Variants in SHC3 observed in about 807,000 individuals in gnomAD.
SHC3 encodes the protein SHC adaptor protein 3, also known as SHC-transforming protein 3.
In SHC3, 15 loss-of-function variants were observed where a neutral mutation model predicts 60.4. That is an observed-to-expected ratio of 0.25 (90% CI 0.17 to 0.38). The LOEUF is 0.38. SHC3 is among the 10% of genes least tolerant of loss of function. The pLI, the probability that SHC3 is intolerant of heterozygous loss-of-function variation, is 1.00. For synonymous variants in SHC3, 294 were observed against 325.9 expected, an observed-to-expected ratio of 0.90 and a Z score of 1.05; for missense variants, 677 against 786.1, an observed-to-expected ratio of 0.86 and a Z score of 1.66.
chr9:89,169,685 C>T (rs1564195607), intron 1 of SHC3, among the ~76,000 whole-genome samples: 1 of 151,796 alleles, frequency 6.6e-6, no homozygotes, highest in Non-Finnish European at 1.5e-5. Context: ...GAAACCACTC[C>T]TAAATAGTGC....
At chr9:89,027,923 CTG>C (rs1412551115) in intron 11 of SHC3, among the ~76,000 whole-genome samples, 3 of 152,234 alleles carry the variant, frequency 2.0e-5, no homozygotes, top group Non-Finnish European at 4.4e-5. Context: ...TCCTCAGTAA[CTG>C]AGCCTGCAGC....
At chr9:89,036,511 C>A (rs929300111) in intron 11 of SHC3, among the ~76,000 whole-genome samples, 2 of 152,120 alleles carry the variant, frequency 1.3e-5, no homozygotes, top group African/African-American at 4.8e-5. Context: ...ATACCGTCCC[C>A]GGGTACAGAG....
At chr9:89,157,265 G>C (rs13292645) in intron 1 of SHC3, among the ~76,000 whole-genome samples, 14,751 of 152,152 alleles carry the variant, frequency 0.097, 843 homozygotes, top group Admixed American at 0.15. Flanking sequence ...ATAACCACAG[G>C]GTCGTTATAA....
intron 1 of SHC3, among the ~76,000 whole-genome samples, chr9:89,167,977 C>T (rs183007311): frequency 7.0e-4 from 107 of 152,302 alleles, no homozygotes; most frequent in African/African-American, 2.1e-3. Context: ...CAGGGGCAGG[C>T]GGCCACCCGG....
intron 4 of SHC3, among the ~76,000 whole-genome samples, chr9:89,071,534 G>A (rs188045381): frequency 2.6e-4 from 40 of 152,296 alleles, no homozygotes; most frequent in Non-Finnish European, 4.6e-4. Context: ...CCAGAACCCA[G>A]AGGGGTCAAG....
chr9:89,148,765 T>C (rs1036722762), intron 1 of SHC3, among the ~76,000 whole-genome samples: 1 of 152,242 alleles, frequency 6.6e-6, no homozygotes, highest in African/African-American at 2.4e-5. Context: ...TGCCAAGCAC[T>C]CACATAGAAG....
At chr9:89,069,784 G>A (rs774894499) in intron 5 of SHC3, among the ~76,000 whole-genome samples, 141 of 152,252 alleles carry the variant, frequency 9.3e-4, no homozygotes, top group Non-Finnish European at 3.5e-4. Flanking sequence ...GCAGGGAGAA[G>A]TACCACTTCC....
At chr9:89,134,405 G>A (rs1018399189) in intron 1 of SHC3, among the ~76,000 whole-genome samples, 5 of 152,086 alleles carry the variant, frequency 3.3e-5, no homozygotes, top group African/African-American at 1.2e-4. Context: ...CTGAATAATA[G>A]TTGAACACTA....
chr9:89,089,936 G>A (rs976815195), intron 2 of SHC3, among the ~76,000 whole-genome samples: 4 of 152,200 alleles, frequency 2.6e-5, no homozygotes, highest in South Asian at 2.1e-4. Flanking sequence ...GGGCAGGGCC[G>A]CCAGCTCTAG....
At chr9:89,100,101 G>A (rs1464352497) in intron 2 of SHC3, among the ~76,000 whole-genome samples, 1 of 152,126 alleles carries the variant, frequency 6.6e-6, no homozygotes, top group African/African-American at 2.4e-5. Flanking sequence ...TGAGACATAA[G>A]GAAAAGCCAA....
At chr9:89,035,863 GTGTGTGTGT>G (rs1824570052) in intron 11 of SHC3, among the ~76,000 whole-genome samples, 2 of 116,728 alleles carry the variant, frequency 1.7e-5, no homozygotes, top group Admixed American at 1.9e-4. Flanking sequence ...GTGTGTGTGT[GTGTGTGTGT>G]GTGTGTGTGT....
At position 89,045,792 on chromosome 9, in the gene SHC3, T is replaced by G. The variant is rs1254534296; in HGVS notation, c.1155A>C (p.Leu385Phe). 1 of 1,614,210 alleles carries G rather than the reference T, an allele frequency of 6.2e-7. No homozygotes were observed. The change falls in exon 9 of 12, where the codon TTA (leucine) becomes TTC (phenylalanine). Residue 385 changes from leucine (L) to phenylalanine (F), a missense_variant. Physicochemically the swap from Leu to Phe is conservative, Grantham distance 22. Coordinates refer to ENST00000375835, the MANE Select transcript of SHC3 (RefSeq NM_016848.6). ...GCCAGTCTTCGCCAAAAGTGTCTCCTAAGTGTCTTCCCTGGTAATAAGTCT... is the reference window on the plus strand; with the variant it reads ...GCCAGTCTTCGCCAAAAGTGTCTCCGAAGTGTCTTCCCTGGTAATAAGTCT... The part of the protein sequence containing the change: ...KEQTYYQGRH[L>F]GDTFGEDWQQ...
At chr9:89,065,630 C>T in intron 5 of SHC3, 50 bp from the exon 6 acceptor site, 1 of 1,586,938 alleles carries the variant, frequency 6.3e-7, no homozygotes, top group South Asian at 1.1e-5. Context: ...AGTGAGAGAC[C>T]ACACAGTCAG....
chr9:89,044,737 C>T (rs1338767479), intron 9 of SHC3, among the ~76,000 whole-genome samples: 1 of 152,176 alleles, frequency 6.6e-6, no homozygotes, highest in Non-Finnish European at 1.5e-5. Context: ...GCAGTTACTT[C>T]TTAGATAGTT....
chr9:89,045,631 A>T, intron 9 of SHC3, 115 bp downstream of exon 9: 1 of 862,082 alleles, frequency 1.2e-6, no homozygotes, highest in Non-Finnish European at 1.8e-6. Flanking sequence ...CACACACAGC[A>T]CATATATCCA....
intron 6 of SHC3, among the ~76,000 whole-genome samples, chr9:89,063,863 A>G (rs1452945948): frequency 6.6e-6 from 1 of 152,208 alleles, no homozygotes; most frequent in Non-Finnish European, 1.5e-5. Context: ...AGTATCTCCC[A>G]CTAACTGTCT....
intron 2 of SHC3, among the ~76,000 whole-genome samples, chr9:89,098,584 A>C (rs1376867071): frequency 6.6e-6 from 1 of 152,222 alleles, no homozygotes; most frequent in Non-Finnish European, 1.5e-5. Context: ...CAAGGTGGGC[A>C]GATCAGTTGA....
At chr9:89,126,907 T>C (rs558196255) in intron 1 of SHC3, among the ~76,000 whole-genome samples, 1 of 152,320 alleles carries the variant, frequency 6.6e-6, no homozygotes, top group Admixed American at 6.5e-5. Flanking sequence ...TGGTCAGTTA[T>C]GTCCTTGGGA....
intron 11 of SHC3, among the ~76,000 whole-genome samples, chr9:89,036,476 G>A (rs567015645): frequency 2.0e-5 from 3 of 152,126 alleles, no homozygotes; most frequent in Non-Finnish European, 2.9e-5. Flanking sequence ...TGACCAAAAC[G>A]CCACTCTTGG....
Sources: gnomAD v4.1 joint callset for allele counts (sites outside exome capture counted in the v4.1 genomes callset) on GRCh38, gnomAD v4.1.1 for gene constraint, MANE v1.5 for transcripts, NCBI Gene and HGNC (gene_info 2026-07-23, HGNC 2026-07-21) for gene names.